The following COMMD7 variants were observed in gnomAD, a reference collection of about 807,000 sequenced individuals.
COMMD7 encodes COMM domain-containing protein 7.
COMMD7 carries 28 observed loss-of-function variants against 34.8 expected under a neutral mutation model. The ratio of observed to expected loss-of-function variants is 0.80; its 90% confidence interval spans 0.60 to 1.10. The LOEUF is 1.10. Ranked by LOEUF, COMMD7 falls within the 50% of genes least tolerant of loss-of-function variation. The probability of loss-of-function intolerance (pLI) is 0.00; values close to 1 mark genes in which losing one functional copy is unlikely to be tolerated. For synonymous variants in COMMD7, 80 were observed against 86.4 expected (o/e 0.93, Z 0.41); for missense variants, 211 against 241.6 (o/e 0.87, Z 0.84).
intron 3 of COMMD7, among the ~76,000 whole-genome samples, chr20:32,710,510 T>C (rs939949875): frequency 2.3e-4 from 35 of 151,936 alleles, no homozygotes; most frequent in Admixed American, 2.3e-3. Flanking sequence ...GGTGGGAGGA[T>C]ACCTGAGCCC....
chr20:32,743,349 C>T lies in COMMD7; in HGVS notation c.43G>A (p.Val15Met). The T allele has an allele frequency of 6.6e-7, 1 of 1,513,572 alleles. No homozygotes were observed. The highest frequency in any genetic ancestry group is 8.8e-7 in the Non-Finnish European group (1 of 1,137,314). 93.8% of individuals were successfully genotyped at this position (1,513,572 alleles called of 1,614,324 possible). Residue 15 changes from valine (V) to methionine (M), a missense_variant, in exon 1 of 9, where the codon GTG becomes ATG. Val to Met is a conservative substitution (Grantham distance 21, BLOSUM62 1). Coordinates refer to ENST00000278980, the MANE Select transcript of COMMD7 (RefSeq NM_053041.3). ...TTCAGCTGCTGCATGTCGCCGCCCACGGCCTCCGGCACCGGGTCCTCAGTG... is the reference window on the plus strand; with the variant it reads ...TTCAGCTGCTGCATGTCGCCGCCCATGGCCTCCGGCACCGGGTCCTCAGTG... ...HCTEDPVPEA[V>M]GGDMQQLNQL...
intron 6 of COMMD7, 96 bp downstream of exon 6, chr20:32,704,718 G>A (rs1333458987): frequency 1.1e-6 from 1 of 922,392 alleles, no homozygotes; most frequent in Non-Finnish European, 1.8e-6. Context: ...CAGTGCTAGG[G>A]ACTAGGTCAT....
At chr20:32,703,644 A>C in intron 8 of COMMD7, 186 bp from the exon 9 acceptor site, 4 of 1,436,866 alleles carry the variant, frequency 2.8e-6, no homozygotes, top group Non-Finnish European at 3.6e-6. Context: ...TCTGCTCCAA[A>C]GGAAAAAAAA....
intron 3 of COMMD7, among the ~76,000 whole-genome samples, chr20:32,711,530 G>C (rs1296052525): frequency 1.3e-5 from 2 of 152,100 alleles, no homozygotes; most frequent in Non-Finnish European, 2.9e-5. Context: ...TTCTACACCA[G>C]GTCATTCTCA....
intron 1 of COMMD7, among the ~76,000 whole-genome samples, chr20:32,732,186 G>A (rs1013718291): frequency 6.6e-6 from 1 of 152,144 alleles, no homozygotes; most frequent in African/African-American, 2.4e-5. Context: ...TGGGTTCAAA[G>A]CAATCCTCCC....
intron 3 of COMMD7, among the ~76,000 whole-genome samples, chr20:32,715,417 A>G (rs1309198947): frequency 6.8e-6 from 1 of 147,492 alleles, no homozygotes; most frequent in Non-Finnish European, 1.5e-5. Flanking sequence ...CAGGAAGTCA[A>G]GGATACAGTG....
chr20:32,711,591 A>G (rs1011215134), intron 3 of COMMD7, among the ~76,000 whole-genome samples: 1 of 152,064 alleles, frequency 6.6e-6, no homozygotes, highest in African/African-American at 2.4e-5. Context: ...AGTTGCTGAC[A>G]ATGAAGTCAA....
chr20:32,704,508 AAAAGAGAGAG>A lies in COMMD7; in HGVS notation c.428-29_428-20del. Reference sequence around the variant, plus strand: ...GATGTCACTGTGACAAAAAAAAAAAAAAAGAGAGAGAGAGAGAGAAATAACAAGTGACTGA... The same window carrying A: ...GATGTCACTGTGACAAAAAAAAAAAAAGAGAGAGAAATAACAAGTGACTGA... On this transcript the variant is annotated intron_variant, in intron 6 of 8. Coordinates refer to ENST00000278980, the MANE Select transcript of COMMD7 (RefSeq NM_053041.3). The A allele has an allele frequency of 6.4e-7, 1 of 1,571,952 alleles. No individual in the cohort carries two copies. Among genetic ancestry groups the A allele is most frequent in the Non-Finnish European group, 8.7e-7 (1 of 1,155,072 alleles).
At chr20:32,727,534 CA>C (rs11480967) in intron 3 of COMMD7, among the ~76,000 whole-genome samples, 5,633 of 83,966 alleles carry the variant, frequency 0.067, 101 homozygotes, top group African/African-American at 0.1. Flanking sequence ...GATTCTGTCT[CA>C]AAAAAAAAAA....
intron 1 of COMMD7, among the ~76,000 whole-genome samples, 155 bp from the exon 2 acceptor site, chr20:32,728,297 C>G (rs537280139): frequency 6.6e-6 from 1 of 152,164 alleles, no homozygotes; most frequent in Non-Finnish European, 1.5e-5. Flanking sequence ...GTTCACAATA[C>G]CCACCACCAG....
Position 32,720,312 on chromosome 20 carries a change from T to C in COMMD7, c.241+7581A>G, listed in dbSNP as rs1985072205. 5.3e-5 allele frequency among the ~76,000 whole-genome samples: 8 copies of C among 152,182 alleles called. No individual in the cohort carries two copies. The South Asian group carries it at 1.5e-3, about 28-fold the overall frequency. On this transcript the variant is annotated intron_variant, in intron 3 of 8. Transcript: ENST00000278980. ...GAGTTCGAGACCAGCCTGGCCAACA[T>C]GGTGAAACCCCGTCTGTACTAAAAA...
intron 1 of COMMD7, among the ~76,000 whole-genome samples, chr20:32,741,631 C>T (rs1487131806): frequency 9.9e-5 from 15 of 152,020 alleles, no homozygotes; most frequent in Admixed American, 5.2e-4. Context: ...CCTTGTGATC[C>T]GCCCACCTTG....
Position 32,743,396 on chromosome 20 carries a change from C to T in COMMD7, c.-5G>A. ...AGTGCAGTGCAGGCGGCCCATGGCG[C>T]GCGCCCCAGCCCCGCAGGTTCCACC... On this transcript the variant is annotated 5_prime_UTR_variant, in exon 1 of 9. Transcript: ENST00000278980. 1 of 1,379,518 alleles carries T rather than the reference C, an allele frequency of 7.2e-7. No homozygotes were observed. The highest frequency in any genetic ancestry group is 9.3e-7 in the Non-Finnish European group (1 of 1,072,456). 85.5% of individuals were successfully genotyped at this position (1,379,518 alleles called of 1,614,324 possible).
rs1568801375 is a variant in COMMD7, at chr20:32,743,289, G to T, written c.84+19C>A. The T allele has an allele frequency of 8.5e-7, 1 of 1,174,450 alleles. No homozygotes were observed. The highest frequency in any genetic ancestry group is 1.3e-5 in the South Asian group (1 of 75,038). The allele number at this position is 1,174,450 out of a possible 1,614,324, so 72.8% of individuals were successfully genotyped here. On this transcript the variant is annotated intron_variant, in intron 1 of 8. Transcript: ENST00000278980. ...GAATCACCTGGGCCCCGCGCCCCACGCCCCGCCGCCGGGCCCACCTGCGCG... is the reference window on the plus strand; with the variant it reads ...GAATCACCTGGGCCCCGCGCCCCACTCCCCGCCGCCGGGCCCACCTGCGCG...
chr20:32,725,494 T>C (rs1167955304), intron 3 of COMMD7, among the ~76,000 whole-genome samples: 1 of 145,154 alleles, frequency 6.9e-6, no homozygotes, highest in Non-Finnish European at 1.5e-5. Flanking sequence ...AGTGGCACGG[T>C]CTCAGCTCAC....
chr20:32,719,371 G>A (rs1483379652), intron 3 of COMMD7, among the ~76,000 whole-genome samples: 1 of 152,192 alleles, frequency 6.6e-6, no homozygotes, highest in Non-Finnish European at 1.5e-5. Flanking sequence ...AGGAAGGCCG[G>A]GAGCAGTGGC....
At chr20:32,730,930 T>C (rs6057630) in intron 1 of COMMD7, among the ~76,000 whole-genome samples, 104,436 of 152,046 alleles carry the variant, frequency 0.69, 36,628 homozygotes, top group Middle Eastern at 0.82. Flanking sequence ...ACCCCCAAAG[T>C]TGTATGTGTA....
At chr20:32,728,955 C>G (rs1330305764) in intron 1 of COMMD7, among the ~76,000 whole-genome samples, 1 of 152,124 alleles carries the variant, frequency 6.6e-6, no homozygotes, top group South Asian at 2.1e-4. Flanking sequence ...ACACCTAGAA[C>G]AGACTCTTAC....
intron 3 of COMMD7, among the ~76,000 whole-genome samples, chr20:32,716,405 G>A (rs1984783984): frequency 1.3e-5 from 2 of 152,034 alleles, no homozygotes; most frequent in African/African-American, 4.8e-5. Flanking sequence ...CACGAGGTCA[G>A]GAGATCTAGA....
Sources: allele counts gnomAD v4.1 joint callset (sites outside exome capture counted in the v4.1 genomes callset), GRCh38; gene constraint gnomAD v4.1.1; transcripts MANE v1.5; gene names NCBI Gene and HGNC (gene_info 2026-07-23, HGNC 2026-07-21).